CASKIN2: variants seen among roughly 807,000 people sequenced by gnomAD.
CASKIN2 encodes CASK interacting protein 2.
CASKIN2 carries 41 observed loss-of-function variants against 107.1 expected under a neutral mutation model. The ratio of observed to expected loss-of-function variants is 0.38; its 90% confidence interval spans 0.30 to 0.50. The LOEUF (loss-of-function observed/expected upper bound fraction) is 0.50, where lower values mean the gene tolerates loss of function less well. CASKIN2 is among the 20% of genes least tolerant of loss of function. The pLI is 0.92. For synonymous variants in CASKIN2, 724 were observed against 705.6 expected (o/e 1.03, Z -0.41); for missense variants, 1,546 against 1,657.4 (o/e 0.93, Z 1.17).
In CASKIN2 at chr17:75,505,624, G is replaced by A. The variant is rs1387581579; in HGVS notation, c.863C>T (p.Ala288Val). ...REASGILKVR[A>V]LKDFWNLHDP... ...GTGGAGGTTCCAGAAATCCTTGAGC[G>A]CTCGGACCTTCAGGATCCCTGAGGC... Residue 288 changes from alanine (A) to valine (V), a missense_variant, in exon 10 of 20, where the codon GCG becomes GTG. Physicochemically the swap from Ala to Val is moderately conservative, Grantham distance 64. This residue lies in a region of CASKIN2 where 1,311 missense variants were observed against 1,311.0 expected (regional missense o/e 1.00). Coordinates refer to ENST00000321617, the MANE Select transcript of CASKIN2 (RefSeq NM_020753.5). This position sits in a 1 kb window ranked among gnomAD's most constrained non-coding sequence, Gnocchi z 5.1. The A allele has an allele frequency of 7.4e-6, 12 of 1,613,328 alleles. No homozygotes were observed. The highest frequency in any genetic ancestry group is 1.7e-5 in the Admixed American group (1 of 60,010).
chr17:75,512,915 C>T (rs963295946), intron 2 of CASKIN2, among the ~76,000 whole-genome samples: 2 of 150,416 alleles, frequency 1.3e-5, no homozygotes, highest in African/African-American at 4.9e-5. Flanking sequence ...AAAAAAACAG[C>T]TATCTTATAG....
chr17:75,502,835 G>T lies in CASKIN2; in HGVS notation c.2239C>A (p.Pro747Thr), dbSNP rs1246652997. Residue 747 changes from proline to threonine, a missense_variant, in exon 18 of 20, where the codon CCT (proline) becomes ACT (threonine). Transcript: ENST00000321617. The surrounding 1 kb of genome is among the most constrained non-coding windows in gnomAD (Gnocchi z 4.3). The stretch of plus-strand genomic sequence containing the variant: ...ACATAGGGTGGGGGTCCTTGGCCAG[G>T]AAGTGAAGAACAAAGCTTAGGGGGC... The part of the protein sequence containing the change: ...ERPPKLCSSL[P>T]GQGPPPYVFM... The T allele has an allele frequency of 9.0e-6, 14 of 1,554,348 alleles. No homozygotes were observed. Among genetic ancestry groups the T allele is most frequent in the Non-Finnish European group, 1.1e-5 (13 of 1,150,128 alleles).
Position 75,500,734 on chromosome 17 carries a change from G to C in CASKIN2, c.*346C>G, listed in dbSNP as rs778182028. The stretch of plus-strand genomic sequence containing the variant: ...GCACAACTTGGGACATGGGCTGGGG[G>C]GTACAGAGAAAGCACCCCCAAAGCC... On this transcript the variant is annotated 3_prime_UTR_variant, in exon 20 of 20. Transcript: ENST00000321617. 12 of 308,144 alleles carry C rather than the reference G, an allele frequency of 3.9e-5. No homozygotes were observed. Among genetic ancestry groups the C allele is most frequent in the Non-Finnish European group, 6.9e-5 (11 of 160,034 alleles). The allele number at this position is 308,144 out of a possible 1,614,324, so 19.1% of individuals were successfully genotyped here.
chr17:75,502,957 C>G lies in CASKIN2; in HGVS notation c.2117G>C (p.Arg706Pro). Residue 706 changes from arginine (R) to proline (P), a missense_variant, in exon 18 of 20, where the codon CGG becomes CCG. Around this residue, in one of 6 missense-constraint regions of CASKIN2, gnomAD observed 1,311 missense variants for 1,311.0 expected, o/e 1.00. Coordinates refer to ENST00000321617, the MANE Select transcript of CASKIN2 (RefSeq NM_020753.5). The surrounding 1 kb of genome is among the most constrained non-coding windows in gnomAD (Gnocchi z 4.3). ...CTGTTCCTGTGAGTGGCCAGACCCC[C>G]GTGAGCGTGCCCCGATGCTCTCCTG... is the stretch of plus-strand genomic sequence containing the variant. ...PSQESIGARS[R>P]GSGHSQEQPA... is the part of the protein sequence containing the mutation. The G allele has an allele frequency of 1.3e-6, 2 of 1,589,018 alleles. No individual in the cohort carries two copies. Among genetic ancestry groups the G allele is most frequent in the Non-Finnish European group, 8.6e-7 (1 of 1,166,948 alleles).
At chr17:75,512,203 G>A (rs2053321091) in intron 2 of CASKIN2, among the ~76,000 whole-genome samples, 2 of 152,216 alleles carry the variant, frequency 1.3e-5, no homozygotes, top group Non-Finnish European at 2.9e-5. Context: ...CAGGACCGAG[G>A]TGTATCTTGG....
chr17:75,504,772 G>A lies in CASKIN2; in HGVS notation c.1192+40C>T, dbSNP rs572918040. Reference sequence around the variant, plus strand: ...GTCTGGCAGCTTGCCCAGGCCACACGCCCACACAGTGCCCAGCACTGCCCC... The same window carrying A: ...GTCTGGCAGCTTGCCCAGGCCACACACCCACACAGTGCCCAGCACTGCCCC... On this transcript the variant is annotated intron_variant, in intron 11 of 19. Coordinates refer to ENST00000321617, the MANE Select transcript of CASKIN2 (RefSeq NM_020753.5). The A allele has an allele frequency of 6.3e-6, 10 of 1,585,664 alleles. No homozygotes were observed. In the Admixed American group the frequency reaches 6.8e-5, roughly 11 times the overall value.
chr17:75,502,555 C>A lies in CASKIN2; in HGVS notation c.2519G>T (p.Arg840Leu). The change falls in exon 18 of 20, where the codon CGG becomes CTG. Residue 840 changes from arginine (R) to leucine (L), a missense_variant. This residue lies in a region of CASKIN2 where 1,311 missense variants were observed against 1,311.0 expected (regional missense o/e 1.00). Transcript: ENST00000321617. The surrounding 1 kb of genome is among the most constrained non-coding windows in gnomAD (Gnocchi z 4.3). ...GGTTGGGGTCACACTAGGACTGGTC[C>A]GGACAAGGGCACTGCGTCCTGGCCG... The part of the protein sequence containing the change: ...TRRPGRSALV[R>L]TSPSVTPTPA... 6.4e-7 allele frequency: 1 copy of A among 1,564,654 alleles called. No individual in the cohort carries two copies. The highest frequency in any genetic ancestry group is 8.7e-7 in the Non-Finnish European group (1 of 1,152,334).
rs1235094828 is a variant in CASKIN2 at position 75,506,539 on chromosome 17, T to C, written c.617+44A>G. On this transcript the variant is annotated intron_variant, in intron 7 of 19. Coordinates refer to ENST00000321617, the MANE Select transcript of CASKIN2 (RefSeq NM_020753.5). The surrounding 1 kb of genome is among the most constrained non-coding windows in gnomAD (Gnocchi z 4.8). ...GGAGAGCACTGAGGGGCACCGATGGTCCCGCAGGCAGGTGATGAGGAAGCG... is the reference window on the plus strand; with the variant it reads ...GGAGAGCACTGAGGGGCACCGATGGCCCCGCAGGCAGGTGATGAGGAAGCG... The C allele has an allele frequency of 6.2e-7, 1 of 1,607,190 alleles. No homozygotes were observed. Among genetic ancestry groups the C allele is most frequent in the East Asian group, 2.2e-5 (1 of 44,746 alleles).
rs1179325817 is a variant in CASKIN2 at position 75,506,180 on chromosome 17, G to A, written c.726+125C>T. ...TCGGCACCATTCAGAAGGAAGTCAG[G>A]CCTCTTTCCTGACGCCCATGCAAAA... is the stretch of plus-strand genomic sequence containing the variant. On this transcript the variant is annotated intron_variant, in intron 8 of 19. Coordinates refer to ENST00000321617, the MANE Select transcript of CASKIN2 (RefSeq NM_020753.5). The surrounding 1 kb of genome is among the most constrained non-coding windows in gnomAD (Gnocchi z 4.8). 1 of 840,862 alleles carries A rather than the reference G, an allele frequency of 1.2e-6. No homozygotes were observed. Among genetic ancestry groups the A allele is most frequent in the Admixed American group, 2.5e-5 (1 of 40,792 alleles). The allele number at this position is 840,862 out of a possible 1,614,324, so 52.1% of individuals were successfully genotyped here. A position where few individuals can be genotyped will look rare whatever the true frequency, so the allele number is the denominator to read the frequency against.
rs1486241002 is a variant in CASKIN2 at position 75,513,963 on chromosome 17, A to G, written c.-159T>C. ...CCAGGCAGTGGGCTCCTCGTCAGGT[A>G]CTGAGGGATACTCCCAAAGGTGCTC... is the stretch of plus-strand genomic sequence containing the variant. On this transcript the variant is annotated 5_prime_UTR_variant, in exon 2 of 20. Transcript: ENST00000321617. The G allele has an allele frequency of 1.6e-6, 1 of 626,752 alleles. No homozygotes were observed. The highest frequency in any genetic ancestry group is 2.8e-6 in the Non-Finnish European group (1 of 350,912). The allele number at this position is 626,752 out of a possible 1,614,324, so 38.8% of individuals were successfully genotyped here.
chr17:75,504,020 C>T (rs181309327), intron 14 of CASKIN2, 58 bp from the exon 15 acceptor site: 1 of 1,484,658 alleles, frequency 6.7e-7, no homozygotes, highest in Non-Finnish European at 9.2e-7. Flanking sequence ...CCCTAGCCCC[C>T]ACCAGGGGCT....
chr17:75,513,798 G>C lies in CASKIN2; in HGVS notation c.7C>G (p.Arg3Gly), dbSNP rs771989760. 9.3e-6 allele frequency: 15 copies of C among 1,606,116 alleles called. No homozygotes were observed. The highest frequency in any genetic ancestry group is 6.7e-5 in the East Asian group (3 of 44,528). MGREQDLILAVKN... is the reference protein window; with the variant it reads MGGEQDLILAVKN... ...ACGGCGAGGATCAGGTCCTGTTCAC[G>C]ACCCATACTGGCTCCTGGGCTGAGC... is the stretch of plus-strand genomic sequence containing the variant. The change falls in exon 2 of 20, where the codon CGT becomes GGT. Residue 3 changes from arginine to glycine, a missense_variant. Coordinates refer to ENST00000321617, the MANE Select transcript of CASKIN2 (RefSeq NM_020753.5).
Position 75,506,185 on chromosome 17 carries a change from T to C in CASKIN2, c.726+120A>G. The stretch of plus-strand genomic sequence containing the variant: ...ACCATTCAGAAGGAAGTCAGGCCTC[T>C]TTCCTGACGCCCATGCAAAAACCAC... On this transcript the variant is annotated intron_variant, in intron 8 of 19. Coordinates refer to ENST00000321617, the MANE Select transcript of CASKIN2 (RefSeq NM_020753.5). This position sits in a 1 kb window ranked among gnomAD's most constrained non-coding sequence, Gnocchi z 4.8. 2.3e-6 allele frequency: 2 copies of C among 883,024 alleles called. No homozygotes were observed. The highest frequency in any genetic ancestry group is 3.5e-6 in the Non-Finnish European group (2 of 577,038). The allele number at this position is 883,024 out of a possible 1,614,324, so 54.7% of individuals were successfully genotyped here.
rs746742859 is a variant in CASKIN2, at chr17:75,504,799, TG to T, written c.1192+12del. ...CCACACAGTGCCCAGCACTGCCCCC[TG>T]GGAGGATGTACCTGGGCTGTCTGGG... On this transcript the variant is annotated intron_variant, in intron 11 of 19. Coordinates refer to ENST00000321617, the MANE Select transcript of CASKIN2 (RefSeq NM_020753.5). 2 of 1,604,918 alleles carry T rather than the reference TG, an allele frequency of 1.2e-6. No homozygotes were observed. The highest frequency in any genetic ancestry group is 2.2e-5 in the South Asian group (2 of 89,652).
In CASKIN2 at chr17:75,514,058, A is replaced by G; in HGVS notation, c.-254T>C. ...GAAGGCTACATGGAAATCTGGATGG[A>G]TATCAGCTTGTGGCTTCCGACAGCT... On this transcript the variant is annotated 5_prime_UTR_variant, in exon 2 of 20. Coordinates refer to ENST00000321617, the MANE Select transcript of CASKIN2 (RefSeq NM_020753.5). The G allele has an allele frequency of 6.9e-6, 4 of 582,454 alleles. No individual in the cohort carries two copies. Among genetic ancestry groups the G allele is most frequent in the Non-Finnish European group, 3.1e-6 (1 of 327,152 alleles). 36.1% of individuals were successfully genotyped at this position (582,454 alleles called of 1,614,324 possible). A position where few individuals can be genotyped will look rare whatever the true frequency, so the allele number is the denominator to read the frequency against.
chr17:75,501,492 C>T lies in CASKIN2; in HGVS notation c.3494G>A (p.Ser1165Asn), dbSNP rs756661632. Residue 1165 changes from serine (S) to asparagine (N), a missense_variant, in exon 19 of 20, where the codon AGC becomes AAC. By Grantham distance (46) the Ser-to-Asn change is conservative. Around this residue, in one of 6 missense-constraint regions of CASKIN2, gnomAD observed 1,311 missense variants for 1,311.0 expected, o/e 1.00. Transcript: ENST00000321617. ...LAAALRAAEK[S>N]IGTKEQEGTP... The stretch of plus-strand genomic sequence containing the variant: ...CCCCTCTTGCTCCTTGGTGCCAATG[C>T]TCTTCTCTGCGGCTCTCAGTGCAGC... 44 of 1,611,472 alleles carry T rather than the reference C, an allele frequency of 2.7e-5. No homozygotes were observed. Among genetic ancestry groups the T allele is most frequent in the Non-Finnish European group, 3.6e-5 (42 of 1,178,842 alleles).
In CASKIN2 at chr17:75,505,656, G is replaced by T. The variant is rs1384868778; in HGVS notation, c.836-5C>A. On this transcript the variant is annotated splice_polypyrimidine_tract_variant and splice_region_variant and intron_variant, in intron 9 of 19. Transcript: ENST00000321617. This position sits in a 1 kb window ranked among gnomAD's most constrained non-coding sequence, Gnocchi z 5.1. ...CCTTCAGGATCCCTGAGGCCTCTAAGAAAACGGGGTGGGGGACAGGTGTCA... is the reference window on the plus strand; with the variant it reads ...CCTTCAGGATCCCTGAGGCCTCTAATAAAACGGGGTGGGGGACAGGTGTCA... The T allele has an allele frequency of 6.2e-7, 1 of 1,612,516 alleles. No homozygotes were observed.
At chr17:75,510,891 T>G (rs1025822138) in intron 2 of CASKIN2, among the ~76,000 whole-genome samples, 1 of 151,956 alleles carries the variant, frequency 6.6e-6, no homozygotes, top group African/African-American at 2.4e-5. Flanking sequence ...TGTGCCATCA[T>G]GGCTGGCCCA....
At chr17:75,512,729 G>A (rs1046484776) in intron 2 of CASKIN2, among the ~76,000 whole-genome samples, 2 of 152,042 alleles carry the variant, frequency 1.3e-5, no homozygotes. Flanking sequence ...CCTAGATGGT[G>A]AAACCCCGTC....
Sources: gnomAD v4.1 joint callset for allele counts (sites outside exome capture counted in the v4.1 genomes callset) on GRCh38, gnomAD v4.1.1 for gene constraint, gnomAD v4.1.1 regional missense constraint, Gnocchi (gnomAD v3.1) non-coding constraint, MANE v1.5 for transcripts, NCBI Gene and HGNC (gene_info 2026-07-23, HGNC 2026-07-21) for gene names.